CCNG2: variants seen among roughly 807,000 people sequenced by gnomAD.
CCNG2 encodes cyclin G2, also known as cyclin-G2.
A neutral mutation model predicts 36.5 loss-of-function variants in CCNG2; 20 were observed. The observed-to-expected ratio is 0.55, with a 90% CI of 0.39 to 0.80. CCNG2 has a LOEUF of 0.80. Among genes scored for constraint, CCNG2 ranks in the 30% least tolerant of loss-of-function variants. CCNG2 has a pLI of 0.00. For synonymous variants in CCNG2, 155 were observed against 140.1 expected, an observed-to-expected ratio of 1.11 and a Z score of -0.75; for missense variants, 358 against 390.8, an observed-to-expected ratio of 0.92 and a Z score of 0.71.
chr4:77,159,742 G>A (rs376290347), intron 3 of CCNG2, among the ~76,000 whole-genome samples: 38 of 152,274 alleles, frequency 2.5e-4, no homozygotes, highest in African/African-American at 8.9e-4. Flanking sequence ...TTGAATATGT[G>A]ACAAAAGAGA....
chr4:77,158,879 T>G (rs1388105442), intron 2 of CCNG2, among the ~76,000 whole-genome samples: 1 of 152,222 alleles, frequency 6.6e-6, no homozygotes, highest in African/African-American at 2.4e-5. Flanking sequence ...GGTTTTTTGT[T>G]GTTGTTTTTA....
At position 77,160,759 on chromosome 4, in the gene CCNG2, T is replaced by A; in HGVS notation, c.315T>A (p.Ser105=). ...ATTTGTCTTGCATTGGAGTCTGTTC[T>A]TTTTTGCTGGCTGCTAGAATAGTTG... is the stretch of plus-strand genomic sequence containing the variant. The part of the protein sequence containing the change: ...PKHLSCIGVC[S]FLLAARIVEE... The change falls in exon 4 of 8, where the codon TCT becomes TCA. Residue 105 remains serine (S), a synonymous_variant. Transcript: ENST00000316355. 6.2e-7 allele frequency: 1 copy of A among 1,614,004 alleles called. No homozygotes were observed. Among genetic ancestry groups the A allele is most frequent in the South Asian group, 1.1e-5 (1 of 91,064 alleles).
chr4:77,160,549 G>A (rs528300530), intron 3 of CCNG2, among the ~76,000 whole-genome samples, 172 bp from the exon 4 acceptor site: 14 of 148,868 alleles, frequency 9.4e-5, no homozygotes, highest in East Asian at 5.9e-4. Context: ...GGGGGAGGTC[G>A]AGAACGTCTA....
chr4:77,160,678 C>G (rs1413910486), intron 3 of CCNG2, 43 bp from the exon 4 acceptor site: 7 of 1,592,300 alleles, frequency 4.4e-6, no homozygotes, highest in Non-Finnish European at 5.1e-6. Context: ...TCTGCTAAGT[C>G]AAAGTGACAG....
Position 77,165,985 on chromosome 4 carries a change from AG to A in CCNG2, c.*63del, listed in dbSNP as rs1731625280. ...GTTTCAAAGCAATAAATGGGGGAAT[AG>A]GTAGTTTCCTGGTTTAGCCCCCATC... On this transcript the variant is annotated 3_prime_UTR_variant, in exon 8 of 8. Coordinates refer to ENST00000316355, the MANE Select transcript of CCNG2 (RefSeq NM_004354.3). The A allele has an allele frequency of 6.6e-7, 1 of 1,508,430 alleles. No homozygotes were observed. The highest frequency in any genetic ancestry group is 1.3e-5 in the South Asian group (1 of 77,860). The allele number at this position is 1,508,430 out of a possible 1,614,324, so 93.4% of individuals were successfully genotyped here.
At chr4:77,157,688 A>G (rs749725340) in intron 1 of CCNG2, among the ~76,000 whole-genome samples, 182 bp downstream of exon 1, 3 of 151,526 alleles carry the variant, frequency 2.0e-5, no homozygotes, top group African/African-American at 7.3e-5. Flanking sequence ...GGACAGATAG[A>G]TGCTCGTGGG....
In CCNG2 at chr4:77,158,584, C is replaced by T. The variant is rs761779386; in HGVS notation, c.52C>T (p.Leu18Phe). 6 of 1,614,040 alleles carry T rather than the reference C, an allele frequency of 3.7e-6. No homozygotes were observed. The African/African-American group carries it at 4.0e-5, about 11-fold the overall frequency. The change falls in exon 2 of 8, where the codon CTC (leucine) becomes TTC (phenylalanine). Residue 18 changes from leucine to phenylalanine, a missense_variant. By Grantham distance (22) the Leu-to-Phe change is conservative. Transcript: ENST00000316355. Reference sequence around the variant, plus strand: ...GGCAGGTCATGAAGGGGTCCAACTTCTCGGGTTGTTGAACGTCTACCTGGA... The same window carrying T: ...GGCAGGTCATGAAGGGGTCCAACTTTTCGGGTTGTTGAACGTCTACCTGGA... ...HLAGHEGVQL[L>F]GLLNVYLEQE...
At chr4:77,164,703 T>A in intron 7 of CCNG2, 1 of 442,026 alleles carries the variant, frequency 2.3e-6, no homozygotes, top group Non-Finnish European at 4.0e-6. Flanking sequence ...TTTTCTTTTT[T>A]ATATTTTTTT....
chr4:77,157,682 A>G (rs1249335930), intron 1 of CCNG2, among the ~76,000 whole-genome samples, 176 bp downstream of exon 1: 2 of 151,686 alleles, frequency 1.3e-5, no homozygotes, highest in Non-Finnish European at 2.9e-5. Context: ...CGCGATGGAC[A>G]GATAGATGCT....
At chr4:77,163,520 T>C (rs1452654818) in intron 6 of CCNG2, among the ~76,000 whole-genome samples, 1 of 152,220 alleles carries the variant, frequency 6.6e-6, no homozygotes, top group African/African-American at 2.4e-5. Context: ...AATATGTGCA[T>C]GTGAAGCATT....
chr4:77,167,923 G>C lies in CCNG2; in HGVS notation c.*1999G>C, dbSNP rs948985812. ...ATTTGTTGAGATGTAAAAGTTGTTT[G>C]GGGCTTACCAAATCTCAAGACTCTC... On this transcript the variant is annotated 3_prime_UTR_variant, in exon 8 of 8. Coordinates refer to ENST00000316355, the MANE Select transcript of CCNG2 (RefSeq NM_004354.3). 6.6e-6 allele frequency: 1 copy of C among 152,118 alleles called. No homozygotes were observed. Among genetic ancestry groups the C allele is most frequent in the African/African-American group, 2.4e-5 (1 of 41,412 alleles). 9.4% of individuals were successfully genotyped at this position (152,118 alleles called of 1,614,324 possible). A position where few individuals can be genotyped will look rare whatever the true frequency, so the allele number is the denominator to read the frequency against.
chr4:77,165,721 G>A (rs1731612694), intron 7 of CCNG2, 80 bp from the exon 8 acceptor site: 1 of 1,232,874 alleles, frequency 8.1e-7, no homozygotes, highest in African/African-American at 1.5e-5. Context: ...TAGAGATATA[G>A]CAGCTTTATT....
rs769721809 is a variant in CCNG2 at position 77,165,795 on chromosome 4, CT to C, written c.912-3del. 4 of 1,545,148 alleles carry C rather than the reference CT, an allele frequency of 2.6e-6. No individual in the cohort carries two copies. Among genetic ancestry groups the C allele is most frequent in the East Asian group, 4.7e-5 (2 of 42,678 alleles). ...ATCCTCTTTTTTTGTCTCTTTTTCTCTTTAGTGAGGACTCTTGTGAAGATAT... is the reference window on the plus strand; with the variant it reads ...ATCCTCTTTTTTTGTCTCTTTTTCTCTTAGTGAGGACTCTTGTGAAGATAT... On this transcript the variant is annotated splice_polypyrimidine_tract_variant and splice_region_variant and intron_variant, in intron 7 of 7. Coordinates refer to ENST00000316355, the MANE Select transcript of CCNG2 (RefSeq NM_004354.3).
Position 77,167,793 on chromosome 4 carries a change from G to A in CCNG2, c.*1869G>A, listed in dbSNP as rs1731664297. 6.6e-6 allele frequency: 1 copy of A among 152,188 alleles called. No individual in the cohort carries two copies. The highest frequency in any genetic ancestry group is 2.4e-5 in the African/African-American group (1 of 41,440). The allele number at this position is 152,188 out of a possible 1,614,324, so 9.4% of individuals were successfully genotyped here. A position where few individuals can be genotyped will look rare whatever the true frequency, so the allele number is the denominator to read the frequency against. ...ACCTCTTCTCTGGAGATAGGGGTATGTTTTCCTACCCTTCTAGTGGAGAAT... is the reference window on the plus strand; with the variant it reads ...ACCTCTTCTCTGGAGATAGGGGTATATTTTCCTACCCTTCTAGTGGAGAAT... On this transcript the variant is annotated 3_prime_UTR_variant, in exon 8 of 8. Coordinates refer to ENST00000316355, the MANE Select transcript of CCNG2 (RefSeq NM_004354.3).
In CCNG2 at chr4:77,164,430, C is replaced by A; in HGVS notation, c.862C>A (p.Pro288Thr). 6.2e-7 allele frequency: 1 copy of A among 1,613,996 alleles called. No homozygotes were observed. Among genetic ancestry groups the A allele is most frequent in the Non-Finnish European group, 8.5e-7 (1 of 1,179,978 alleles). ...QNLHNSYYSV[P>T]ELPTIPEGGC... ...CCTCCACAACAGCTACTATAGTGTTCCTGAGCTGCCAACGATACCTGAGGG... is the reference window on the plus strand; with the variant it reads ...CCTCCACAACAGCTACTATAGTGTTACTGAGCTGCCAACGATACCTGAGGG... Residue 288 changes from proline (P) to threonine (T), a missense_variant, in exon 7 of 8, where the codon CCT becomes ACT. By Grantham distance (38) the Pro-to-Thr change is conservative. Transcript: ENST00000316355.
At chr4:77,161,215 G>A (rs1731427791) in intron 4 of CCNG2, among the ~76,000 whole-genome samples, 1 of 148,536 alleles carries the variant, frequency 6.7e-6, no homozygotes, top group African/African-American at 2.5e-5. Flanking sequence ...CGATTCTCCT[G>A]CGTCAGCCTC....
In CCNG2 at chr4:77,166,460, C is replaced by G. The variant is rs1249683066; in HGVS notation, c.*536C>G. 2 of 152,076 alleles carry G rather than the reference C, an allele frequency of 1.3e-5. No homozygotes were observed. The highest frequency in any genetic ancestry group is 4.8e-5 in the African/African-American group (2 of 41,406). The allele number at this position is 152,076 out of a possible 1,614,324, so 9.4% of individuals were successfully genotyped here. A position where few individuals can be genotyped will look rare whatever the true frequency, so the allele number is the denominator to read the frequency against. Reference sequence around the variant, plus strand: ...TGATCAGTGTCTATTTGATGTGATGCAGATCTTATAAATTTGGGAATTATA... The same window carrying G: ...TGATCAGTGTCTATTTGATGTGATGGAGATCTTATAAATTTGGGAATTATA... On this transcript the variant is annotated 3_prime_UTR_variant, in exon 8 of 8. Coordinates refer to ENST00000316355, the MANE Select transcript of CCNG2 (RefSeq NM_004354.3).
chr4:77,161,426 A>C (rs1429311973), intron 4 of CCNG2, 54 bp from the exon 5 acceptor site: 1 of 1,347,486 alleles, frequency 7.4e-7, no homozygotes, highest in Non-Finnish European at 1.0e-6. Context: ...AAATCATTTA[A>C]AATCATTTAA....
Position 77,169,073 on chromosome 4 carries a change from C to T in CCNG2, c.*3149C>T, listed in dbSNP as rs973604563. 2 of 152,198 alleles carry T rather than the reference C, an allele frequency of 1.3e-5. No homozygotes were observed. Among genetic ancestry groups the T allele is most frequent in the Non-Finnish European group, 2.9e-5 (2 of 68,028 alleles). 9.4% of individuals were successfully genotyped at this position (152,198 alleles called of 1,614,324 possible). A position where few individuals can be genotyped will look rare whatever the true frequency, so the allele number is the denominator to read the frequency against. ...TAGACAAATAATGTGTTTTAATTACCTGTCACACTCAGGATTAATACATAC... is the reference window on the plus strand; with the variant it reads ...TAGACAAATAATGTGTTTTAATTACTTGTCACACTCAGGATTAATACATAC... On this transcript the variant is annotated 3_prime_UTR_variant, in exon 8 of 8. Coordinates refer to ENST00000316355, the MANE Select transcript of CCNG2 (RefSeq NM_004354.3).
Sources: gnomAD v4.1 joint callset for allele counts (sites outside exome capture counted in the v4.1 genomes callset) on GRCh38, gnomAD v4.1.1 for gene constraint, MANE v1.5 for transcripts, NCBI Gene and HGNC (gene_info 2026-07-23, HGNC 2026-07-21) for gene names.